PIK3R5: variants seen among roughly 807,000 people sequenced by gnomAD.
The protein encoded by PIK3R5 is phosphoinositide 3-kinase regulatory subunit 5.
A neutral mutation model predicts 94.9 loss-of-function variants in PIK3R5; 32 were observed. The ratio of observed to expected loss-of-function variants is 0.34; its 90% confidence interval spans 0.25 to 0.45. PIK3R5 has a LOEUF of 0.45. Among genes scored for constraint, PIK3R5 ranks in the 20% least tolerant of loss-of-function variants. The pLI is 1.00. For synonymous variants in PIK3R5, 443 were observed against 479.4 expected, an observed-to-expected ratio of 0.92 and a Z score of 0.99; for missense variants, 853 against 1,144.6, an observed-to-expected ratio of 0.75 and a Z score of 3.68.
At chr17:8,939,108 C>T (rs2091128979) in intron 1 of PIK3R5, among the ~76,000 whole-genome samples, 1 of 152,166 alleles carries the variant, frequency 6.6e-6, no homozygotes, top group African/African-American at 2.4e-5. Context: ...ACAATCCTTC[C>T]AGGTGGTCAT....
At chr17:8,950,435 A>G (rs2091356500) in intron 1 of PIK3R5, among the ~76,000 whole-genome samples, 1 of 151,960 alleles carries the variant, frequency 6.6e-6, no homozygotes, top group Non-Finnish European at 1.5e-5. Flanking sequence ...AGGTTTTTCA[A>G]TCCTCACCCT....
At chr17:8,957,163 G>A (rs1339700260) in intron 1 of PIK3R5, among the ~76,000 whole-genome samples, 1 of 152,086 alleles carries the variant, frequency 6.6e-6, no homozygotes, top group Non-Finnish European at 1.5e-5. Context: ...AGAACTACAG[G>A]CTCTTTAAAA....
chr17:8,886,260 G>A lies in PIK3R5; in HGVS notation c.2097C>T (p.His699=), dbSNP rs1481496896. 6.2e-7 allele frequency: 1 copy of A among 1,613,534 alleles called. No homozygotes were observed. The change falls in exon 14 of 19, where the codon CAC becomes CAT. Residue 699 remains histidine (H), a synonymous_variant. Transcript: ENST00000447110. The part of the protein sequence containing the change: ...EIFIHSLELG[H]SAATRAIKAS... ...CCTTGATGGCACGTGTGGCAGCGGA[G>A]TGACCCAGCTCCAAGGAGTGGATGA...
At chr17:8,920,510 G>A (rs2090719977) in intron 1 of PIK3R5, among the ~76,000 whole-genome samples, 1 of 152,174 alleles carries the variant, frequency 6.6e-6, no homozygotes, top group Middle Eastern at 3.2e-3. Flanking sequence ...GCATCCCTCT[G>A]CATAGATGAG....
chr17:8,957,214 A>G (rs1405511735), intron 1 of PIK3R5, among the ~76,000 whole-genome samples: 3 of 152,174 alleles, frequency 2.0e-5, no homozygotes, highest in African/African-American at 7.2e-5. Flanking sequence ...TATCATTTCC[A>G]TAATATATAA....
intron 1 of PIK3R5, among the ~76,000 whole-genome samples, chr17:8,958,390 G>A (rs760296456): frequency 6.6e-6 from 1 of 152,150 alleles, no homozygotes; most frequent in Non-Finnish European, 1.5e-5. Flanking sequence ...AATGCAGAGG[G>A]CTCAATATGT....
rs902792602 is a variant in PIK3R5 at position 8,946,600 on chromosome 17, T to A, written c.-14+18996A>T. Among the ~76,000 whole-genome samples the A allele has an allele frequency of 7.2e-5, 11 of 152,208 alleles. 1 individual carries two copies. In the South Asian group the frequency reaches 2.1e-3, roughly 29 times the overall value. On this transcript the variant is annotated intron_variant, in intron 1 of 18. Transcript: ENST00000447110. ...TTACCAAGTGAATATGAGCACAAGA[T>A]GCTTTGCTGCGTGTTGTGGTAGCTG...
intron 5 of PIK3R5, among the ~76,000 whole-genome samples, chr17:8,895,535 C>T (rs2090134848): frequency 1.3e-5 from 2 of 152,178 alleles, no homozygotes; most frequent in South Asian, 4.1e-4. Flanking sequence ...CCATACCCAA[C>T]GGCCCAACCT....
chr17:8,893,566 C>A lies in PIK3R5; in HGVS notation c.482+20G>T. On this transcript the variant is annotated intron_variant, in intron 6 of 18. Coordinates refer to ENST00000447110, the MANE Select transcript of PIK3R5 (RefSeq NM_001142633.3). The surrounding 1 kb of genome is among the most constrained non-coding windows in gnomAD (Gnocchi z 5.1). ...CCAAACTCCCTCCCCACTGTTTCTC[C>A]GTCCCCCAAGAGCACTCACACGGTG... The A allele has an allele frequency of 6.2e-7, 1 of 1,605,256 alleles. No individual in the cohort carries two copies. The highest frequency in any genetic ancestry group is 1.1e-5 in the South Asian group (1 of 90,876).
chr17:8,906,680 C>T (rs971387762), intron 3 of PIK3R5, among the ~76,000 whole-genome samples: 1 of 151,974 alleles, frequency 6.6e-6, no homozygotes, highest in African/African-American at 2.4e-5. Flanking sequence ...GCCAGGAGTT[C>T]GAGACCAGCC....
At chr17:8,918,448 T>C (rs2090670922) in intron 1 of PIK3R5, among the ~76,000 whole-genome samples, 3 of 152,118 alleles carry the variant, frequency 2.0e-5, no homozygotes, top group Non-Finnish European at 4.4e-5. Context: ...GAATTATAAC[T>C]CATAGAATAA....
chr17:8,959,497 G>A (rs1011944094), intron 1 of PIK3R5, among the ~76,000 whole-genome samples: 3 of 152,082 alleles, frequency 2.0e-5, no homozygotes, highest in African/African-American at 4.8e-5. Flanking sequence ...ATGATCTTTC[G>A]CTTTCATCAG....
Position 8,890,813 on chromosome 17 carries a change from G to T in PIK3R5, c.582C>A (p.Thr194=). ...CCTGGAAGGCGTGCAGGAGCAGGGT[G>T]GTGTAGGCACTGTGAGGCGAGTGTC... ...TPGHSPHSAY[T]TLLLHAFQAT... Residue 194 remains threonine (T), a synonymous_variant, in exon 7 of 19, where the codon ACC becomes ACA. Transcript: ENST00000447110. This position sits in a 1 kb window ranked among gnomAD's most constrained non-coding sequence, Gnocchi z 6.1. 1 of 1,613,334 alleles carries T rather than the reference G, an allele frequency of 6.2e-7. No individual in the cohort carries two copies. The highest frequency in any genetic ancestry group is 1.3e-5 in the African/African-American group (1 of 75,052).
chr17:8,950,676 T>C (rs2091360750), intron 1 of PIK3R5, among the ~76,000 whole-genome samples: 1 of 152,218 alleles, frequency 6.6e-6, no homozygotes, highest in African/African-American at 2.4e-5. Flanking sequence ...ATGTAGAACA[T>C]TTTCTTTATC....
Position 8,893,697 on chromosome 17 carries a change from C to A in PIK3R5, c.413-42G>T, listed in dbSNP as rs753883537. 1.5e-5 allele frequency: 22 copies of A among 1,465,796 alleles called. No homozygotes were observed. In the South Asian group the frequency reaches 2.5e-4, roughly 17 times the overall value. 90.8% of individuals were successfully genotyped at this position (1,465,796 alleles called of 1,614,324 possible). A position where few individuals can be genotyped will look rare whatever the true frequency, so the allele number is the denominator to read the frequency against. On this transcript the variant is annotated intron_variant, in intron 5 of 18. Transcript: ENST00000447110. The surrounding 1 kb of genome is among the most constrained non-coding windows in gnomAD (Gnocchi z 5.1). The stretch of plus-strand genomic sequence containing the variant: ...AAAGAGTTCATGGGCTGATCAGTTC[C>A]TTCAGCATCGTCCGTGTGCCTCGTG...
intron 1 of PIK3R5, among the ~76,000 whole-genome samples, chr17:8,926,582 C>G (rs1344481548): frequency 6.6e-6 from 1 of 152,126 alleles, no homozygotes; most frequent in Non-Finnish European, 1.5e-5. Flanking sequence ...GAGGAAGATG[C>G]AAAAGTAAAA....
chr17:8,893,562 T>C lies in PIK3R5; in HGVS notation c.482+24A>G, dbSNP rs756315325. ...GGTCCCAAACTCCCTCCCCACTGTT[T>C]CTCCGTCCCCCAAGAGCACTCACAC... On this transcript the variant is annotated intron_variant, in intron 6 of 18. Coordinates refer to ENST00000447110, the MANE Select transcript of PIK3R5 (RefSeq NM_001142633.3). This position sits in a 1 kb window ranked among gnomAD's most constrained non-coding sequence, Gnocchi z 5.1. The C allele has an allele frequency of 6.2e-7, 1 of 1,602,814 alleles. No individual in the cohort carries two copies. Among genetic ancestry groups the C allele is most frequent in the Non-Finnish European group, 8.5e-7 (1 of 1,169,984 alleles).
intron 1 of PIK3R5, among the ~76,000 whole-genome samples, chr17:8,961,077 C>T (rs1567677139): frequency 6.6e-6 from 1 of 152,030 alleles, no homozygotes; most frequent in Non-Finnish European, 1.5e-5. Context: ...AAGGAGGGGG[C>T]GGTCAGTGCT....
At position 8,888,460 on chromosome 17, in the gene PIK3R5, G is replaced by A; in HGVS notation, c.1327C>T (p.Leu443=). 6.3e-7 allele frequency: 1 copy of A among 1,599,942 alleles called. No individual in the cohort carries two copies. The highest frequency in any genetic ancestry group is 8.5e-7 in the Non-Finnish European group (1 of 1,174,150). The change falls in exon 10 of 19, where the codon CTG becomes TTG. Residue 443 remains leucine (L), a synonymous_variant. Transcript: ENST00000447110. This position sits in a 1 kb window ranked among gnomAD's most constrained non-coding sequence, Gnocchi z 7.8. The part of the protein sequence containing the change: ...QLVLRRDSRS[L]EGSSDTALPL... ...AGGGCCGTGTCCGAGCTGCCCTCCA[G>A]GCTCCGAGAGTCCCTCCGCAGTACC...
Sources: gnomAD v4.1 joint callset for allele counts (sites outside exome capture counted in the v4.1 genomes callset) on GRCh38, gnomAD v4.1.1 for gene constraint, Gnocchi (gnomAD v3.1) non-coding constraint, MANE v1.5 for transcripts, NCBI Gene and HGNC (gene_info 2026-07-23, HGNC 2026-07-21) for gene names.